CBX1: variants seen among roughly 807,000 people sequenced by gnomAD.
CBX1 encodes chromobox 1.
A neutral mutation model predicts 25.1 loss-of-function variants in CBX1; 10 were observed. That is an observed-to-expected ratio of 0.40 (90% CI 0.25 to 0.68). The LOEUF is 0.68. Ranked by LOEUF, CBX1 falls within the 30% of genes least tolerant of loss-of-function variation. The pLI, the probability that CBX1 is intolerant of heterozygous loss-of-function variation, is 0.40. For missense variants in CBX1, 106 were observed against 218.5 expected (o/e 0.49, Z 3.25); for synonymous variants, 63 against 79.4 (o/e 0.79, Z 1.10).
Position 48,070,582 on chromosome 17 carries a change from C to T in CBX1, c.*853G>A, listed in dbSNP as rs1288433342. 2 of 152,616 alleles carry T rather than the reference C, an allele frequency of 1.3e-5. No individual in the cohort carries two copies. Among genetic ancestry groups the T allele is most frequent in the East Asian group, 3.8e-4 (2 of 5,208 alleles). 9.5% of individuals were successfully genotyped at this position (152,616 alleles called of 1,614,324 possible). ...ATGAACAAGCTGATATTTATAACTT[C>T]GTTACTGGAAAAGAAAGGGTCTTCT... On this transcript the variant is annotated 3_prime_UTR_variant, in exon 5 of 5. Coordinates refer to ENST00000225603, the MANE Select transcript of CBX1 (RefSeq NM_001127228.2).
intron 3 of CBX1, 30 bp downstream of exon 3, chr17:48,075,971 G>C: frequency 6.7e-7 from 1 of 1,488,864 alleles, no homozygotes; most frequent in East Asian, 2.4e-5. Flanking sequence ...TGAATTGTGG[G>C]CTAGTAAAAA....
At chr17:48,082,108 T>C (rs1401357573) in intron 1 of CBX1, among the ~76,000 whole-genome samples, 2 of 151,968 alleles carry the variant, frequency 1.3e-5, no homozygotes, top group African/African-American at 4.8e-5. Flanking sequence ...CAGCTGGGTG[T>C]GCTGGGAGGA....
chr17:48,094,912 T>G (rs536039763), intron 1 of CBX1, among the ~76,000 whole-genome samples: 77 of 151,692 alleles, frequency 5.1e-4, no homozygotes, highest in Non-Finnish European at 9.1e-4. Context: ...CCAGGTGTGG[T>G]GGTGCATGCC....
Position 48,100,137 on chromosome 17 carries a change from CAA to C in CBX1, c.-38+1129_-38+1130del, listed in dbSNP as rs543123998. Among the ~76,000 whole-genome samples the C allele has an allele frequency of 2.3e-4, 13 of 56,894 alleles. 2 individuals are homozygous for C. Among genetic ancestry groups the C allele is most frequent in the Admixed American group, 2.7e-4 (1 of 3,698 alleles). The allele number at this position is 56,894 out of a possible 152,430, so 37.3% of individuals were successfully genotyped here. A position where few individuals can be genotyped will look rare whatever the true frequency, so the allele number is the denominator to read the frequency against. The stretch of plus-strand genomic sequence containing the variant: ...CTGGGCAACAGAGGAAGACTCTTCT[CAA>C]AAAAAAAAAAAAAAAGAGGTAAAAT... On this transcript the variant is annotated intron_variant, in intron 1 of 4. Transcript: ENST00000225603.
At chr17:48,101,191 T>G in intron 1 of CBX1, 77 bp downstream of exon 1, 1 of 988,912 alleles carries the variant, frequency 1.0e-6, no homozygotes, top group African/African-American at 1.7e-5. Flanking sequence ...GAAAGCGCGT[T>G]CCCTCACGCA....
intron 1 of CBX1, chr17:48,095,616 C>G (rs1172719634): frequency 6.6e-6 from 1 of 152,176 alleles, no homozygotes. Flanking sequence ...AAGCTATAAG[C>G]TTTTAAGGGA....
At chr17:48,073,467 T>C (rs972891447) in intron 4 of CBX1, among the ~76,000 whole-genome samples, 1 of 152,194 alleles carries the variant, frequency 6.6e-6, no homozygotes, top group African/African-American at 2.4e-5. Context: ...AAATCTCTAT[T>C]CTCCAGTAAA....
chr17:48,076,793 G>T lies in CBX1; in HGVS notation c.140+72C>A, dbSNP rs2037678888. The T allele has an allele frequency of 1.3e-5, 18 of 1,385,338 alleles. No individual in the cohort carries two copies. The South Asian group carries it at 2.4e-4, about 18-fold the overall frequency. The allele number at this position is 1,385,338 out of a possible 1,614,324, so 85.8% of individuals were successfully genotyped here. On this transcript the variant is annotated intron_variant, in intron 2 of 4. Transcript: ENST00000225603. ...GTCACACTGTATCCATCATAGCACT[G>T]GAGGTCTCATACATCTCTAGACTCC...
intron 1 of CBX1, among the ~76,000 whole-genome samples, chr17:48,081,387 A>C (rs1169608381): frequency 2.0e-5 from 3 of 152,144 alleles, no homozygotes; most frequent in Non-Finnish European, 4.4e-5. Flanking sequence ...AGGTAAAGAA[A>C]GCGCCCAAAT....
chr17:48,076,000 C>T lies in CBX1; in HGVS notation c.318+1G>A, dbSNP rs1295382312. The T allele has an allele frequency of 6.3e-7, 1 of 1,590,014 alleles. No individual in the cohort carries two copies. Among genetic ancestry groups the T allele is most frequent in the South Asian group, 1.1e-5 (1 of 88,640 alleles). On this transcript the variant is annotated splice_donor_variant, in intron 3 of 4. Transcript: ENST00000225603. LOFTEE classifies it high-confidence loss of function. The stretch of plus-strand genomic sequence containing the variant: ...GTAAAAATTCTTACTTCTATTCTTA[C>T]CTCTTCTTTCTTCTTCTTTGGTTTG...
chr17:48,094,574 TA>T (rs2063362135), intron 1 of CBX1, among the ~76,000 whole-genome samples: 1 of 149,522 alleles, frequency 6.7e-6, no homozygotes, highest in African/African-American at 2.5e-5. Flanking sequence ...CTACTAAAAA[TA>T]CAAAAAAAAA....
intron 1 of CBX1, among the ~76,000 whole-genome samples, chr17:48,086,476 A>G (rs2063312086): frequency 6.6e-6 from 1 of 152,214 alleles, no homozygotes; most frequent in Non-Finnish European, 1.5e-5. Flanking sequence ...AAACCAAATT[A>G]TAAATGTGAG....
chr17:48,075,439 C>A (rs984387155), intron 3 of CBX1, among the ~76,000 whole-genome samples: 1 of 152,118 alleles, frequency 6.6e-6, no homozygotes, highest in African/African-American at 2.4e-5. Context: ...GTGATCCGCC[C>A]GCCTCGGCCT....
Position 48,076,082 on chromosome 17 carries a change from T to C in CBX1, c.237A>G (p.Lys79=), listed in dbSNP as rs756795589. ...CAGCTTTGCGCTTGCCTCCCTCTGA[T>C]TTATCTGTCTCATGTGCTGTTTTCT... ...QSQKTAHETD[K]SEGGKRKADS... The change falls in exon 3 of 5, where the codon AAA becomes AAG. Residue 79 remains lysine (K), a synonymous_variant. Coordinates refer to ENST00000225603, the MANE Select transcript of CBX1 (RefSeq NM_001127228.2). 64 of 1,613,406 alleles carry C rather than the reference T, an allele frequency of 4.0e-5. No homozygotes were observed. The highest frequency in any genetic ancestry group is 4.8e-5 in the Non-Finnish European group (57 of 1,179,562).
intron 1 of CBX1, among the ~76,000 whole-genome samples, chr17:48,080,951 A>AATATATATATATATAT (rs1323670486): frequency 4.2e-4 from 14 of 33,268 alleles, no homozygotes; most frequent in Non-Finnish European, 6.8e-4. Flanking sequence ...AAAAAAAAAA[A>AATATATATATATATAT]ATATATATAT....
intron 1 of CBX1, among the ~76,000 whole-genome samples, chr17:48,090,006 C>T (rs1360589341): frequency 5.3e-5 from 8 of 151,206 alleles, no homozygotes; most frequent in Non-Finnish European, 4.4e-5. Flanking sequence ...CTGCAACCTC[C>T]GCCTCCTGGG....
intron 1 of CBX1, among the ~76,000 whole-genome samples, chr17:48,092,698 TA>T (rs2063350599): frequency 6.6e-6 from 1 of 151,856 alleles, no homozygotes; most frequent in Non-Finnish European, 1.5e-5. Context: ...GTGATCCACT[TA>T]CCTCAGACTC....
intron 1 of CBX1, among the ~76,000 whole-genome samples, chr17:48,079,297 G>T (rs2037709632): frequency 1.4e-5 from 2 of 148,106 alleles, no homozygotes; most frequent in South Asian, 4.3e-4. Flanking sequence ...GTAGAGACAG[G>T]GATTCGCCAT....
chr17:48,082,089 A>G (rs1348022905), intron 1 of CBX1, among the ~76,000 whole-genome samples: 1 of 152,128 alleles, frequency 6.6e-6, no homozygotes, highest in Non-Finnish European at 1.5e-5. Flanking sequence ...CATCTCTACA[A>G]AAAATAATCA....
Sources: allele counts gnomAD v4.1 joint callset (sites outside exome capture counted in the v4.1 genomes callset), GRCh38; gene constraint gnomAD v4.1.1; transcripts MANE v1.5; gene names NCBI Gene and HGNC (gene_info 2026-07-23, HGNC 2026-07-21).